TBC1D32: variants seen among roughly 807,000 people sequenced by gnomAD.
TBC1D32 encodes the protein protein broad-minded.
A neutral mutation model predicts 170.3 loss-of-function variants in TBC1D32; 151 were observed. That is an observed-to-expected ratio of 0.89 (90% CI 0.78 to 1.01). The LOEUF is 1.01. Among genes scored for constraint, TBC1D32 ranks in the 50% least tolerant of loss-of-function variants. TBC1D32 has a pLI of 0.00. For synonymous variants in TBC1D32, 498 were observed against 488.0 expected, an observed-to-expected ratio of 1.02 and a Z score of -0.27; for missense variants, 1,464 against 1,457.1, an observed-to-expected ratio of 1.00 and a Z score of -0.08.
intron 20 of TBC1D32, among the ~76,000 whole-genome samples, chr6:121,236,373 T>C (rs1289513694): frequency 6.6e-6 from 1 of 152,164 alleles, no homozygotes; most frequent in East Asian, 1.9e-4. Flanking sequence ...CATAGGGCAA[T>C]TGTCTACCAT....
In TBC1D32 at chr6:121,241,506, A is replaced by C; in HGVS notation, c.2204T>G (p.Val735Gly). ...AATGCCACCTGCTGCTGTTGATGCC[A>C]CTCGTGTAACCAAAACTCCATAGCC... is the stretch of plus-strand genomic sequence containing the variant. The part of the protein sequence containing the change: ...KFGYGVLVTR[V>G]ASTAAGGIAL... The change falls in exon 19 of 32, where the codon GTG becomes GGG. Residue 735 changes from valine (V) to glycine (G), a missense_variant. Around this residue, in one of 3 missense-constraint regions of TBC1D32, gnomAD observed 1,363 missense variants for 1,338.1 expected, o/e 1.02. Coordinates refer to ENST00000398212, the MANE Select transcript of TBC1D32 (RefSeq NM_152730.6). 6.2e-7 allele frequency: 1 copy of C among 1,613,542 alleles called. No homozygotes were observed. The highest frequency in any genetic ancestry group is 8.5e-7 in the Non-Finnish European group (1 of 1,179,742).
intron 12 of TBC1D32, among the ~76,000 whole-genome samples, chr6:121,288,114 C>T (rs1279366159): frequency 6.6e-6 from 1 of 152,042 alleles, no homozygotes; most frequent in African/African-American, 2.4e-5. Flanking sequence ...AGAGCAAACA[C>T]ATTCAAAAGC....
At chr6:121,330,925 A>T (rs1033277723) in intron 1 of TBC1D32, among the ~76,000 whole-genome samples, 1 of 152,210 alleles carries the variant, frequency 6.6e-6, no homozygotes, top group African/African-American at 2.4e-5. Context: ...CCATTCTTAG[A>T]GAAAGGCAGG....
intron 21 of TBC1D32, 55 bp downstream of exon 21, chr6:121,223,181 C>T: frequency 1.7e-6 from 2 of 1,151,594 alleles, no homozygotes; most frequent in Non-Finnish European, 2.4e-6. Context: ...CTTTTTACTA[C>T]CAATCTCAAA....
intron 8 of TBC1D32, 37 bp from the exon 9 acceptor site, chr6:121,303,798 A>G (rs1806857110): frequency 7.1e-7 from 1 of 1,402,746 alleles, no homozygotes; most frequent in East Asian, 2.4e-5. Flanking sequence ...AATTACACAT[A>G]TAGTTCTGGT....
At chr6:121,146,386 T>C (rs1401994888) in intron 24 of TBC1D32, among the ~76,000 whole-genome samples, 1 of 152,206 alleles carries the variant, frequency 6.6e-6, no homozygotes, top group Non-Finnish European at 1.5e-5. Flanking sequence ...AGTTCCTTCA[T>C]GATAATAATA....
chr6:121,147,259 G>T (rs1783579047), intron 24 of TBC1D32, among the ~76,000 whole-genome samples: 1 of 152,074 alleles, frequency 6.6e-6, no homozygotes, highest in Admixed American at 6.5e-5. Flanking sequence ...CTTTGCTATT[G>T]TGAATAGCTG....
intron 4 of TBC1D32, among the ~76,000 whole-genome samples, chr6:121,308,356 A>G (rs1807641823): frequency 6.6e-6 from 1 of 151,918 alleles, no homozygotes; most frequent in Non-Finnish European, 1.5e-5. Flanking sequence ...TTTAGGTATC[A>G]TGTCTAAGAG....
Position 121,143,543 on chromosome 6 carries a change from C to T in TBC1D32, c.2774-11791G>A, listed in dbSNP as rs2202064. Among the ~76,000 whole-genome samples the T allele has an allele frequency of 2.7e-4, 41 of 152,148 alleles. No homozygotes were observed. In the East Asian group the frequency reaches 2.7e-3, roughly 10 times the overall value. ...GAGGATGCCACCATGTGCACACAAC[C>T]GAAGTGATTTTTTTCCCACAACAAT... On this transcript the variant is annotated intron_variant, in intron 24 of 31. Coordinates refer to ENST00000398212, the MANE Select transcript of TBC1D32 (RefSeq NM_152730.6).
chr6:121,305,027 A>G (rs1255384981), intron 5 of TBC1D32, among the ~76,000 whole-genome samples, 194 bp from the exon 6 acceptor site: 5 of 152,122 alleles, frequency 3.3e-5, no homozygotes. Flanking sequence ...CAAAACTAAT[A>G]TGTGAATCTA....
intron 24 of TBC1D32, among the ~76,000 whole-genome samples, chr6:121,157,216 G>T (rs1785018898): frequency 6.6e-6 from 1 of 152,126 alleles, no homozygotes; most frequent in African/African-American, 2.4e-5. Context: ...ACATATGTAG[G>T]ATAGCTAAGT....
At chr6:121,198,157 T>C (rs1227483255) in intron 22 of TBC1D32, among the ~76,000 whole-genome samples, 1 of 145,654 alleles carries the variant, frequency 6.9e-6, no homozygotes, top group Non-Finnish European at 1.5e-5. Flanking sequence ...CCTTTGTAGA[T>C]ATATAATATA....
chr6:121,186,466 C>T (rs1314510577), intron 22 of TBC1D32, among the ~76,000 whole-genome samples: 2 of 151,932 alleles, frequency 1.3e-5, no homozygotes. Flanking sequence ...TAATATATAG[C>T]ATCCTAACCA....
At chr6:121,133,135 T>C (rs780696505) in intron 24 of TBC1D32, among the ~76,000 whole-genome samples, 5 of 151,972 alleles carry the variant, frequency 3.3e-5, no homozygotes, top group African/African-American at 4.8e-5. Context: ...ATCATCTACC[T>C]AAGCTCTATT....
chr6:121,175,998 A>G (rs1480979372), intron 22 of TBC1D32, among the ~76,000 whole-genome samples: 1 of 152,208 alleles, frequency 6.6e-6, no homozygotes, highest in Admixed American at 6.5e-5. Context: ...AGTGCCTACT[A>G]CTGTTTTAAA....
At chr6:121,265,977 A>G (rs1800422749) in intron 15 of TBC1D32, among the ~76,000 whole-genome samples, 1 of 152,174 alleles carries the variant, frequency 6.6e-6, no homozygotes, top group South Asian at 2.1e-4. Context: ...ACCACAGAAG[A>G]AAACCTAGAC....
intron 24 of TBC1D32, among the ~76,000 whole-genome samples, chr6:121,147,927 T>TTTC (rs1256816174): frequency 6.6e-6 from 1 of 151,528 alleles, no homozygotes; most frequent in Non-Finnish European, 1.5e-5. Context: ...TCTTTTTTTT[T>TTTC]TTTTTTGAGA....
intron 12 of TBC1D32, among the ~76,000 whole-genome samples, chr6:121,286,247 T>A (rs1262323617): frequency 6.6e-6 from 1 of 151,810 alleles, no homozygotes. Flanking sequence ...TGAAAAAAAA[T>A]TGGATAAATG....
intron 18 of TBC1D32, 109 bp downstream of exon 18, chr6:121,242,092 T>TTG (rs1387906049): frequency 1.7e-6 from 2 of 1,197,690 alleles, no homozygotes; most frequent in Non-Finnish European, 2.3e-6. Flanking sequence ...TATATGGTCT[T>TTG]TTAACAGAGG....
Sources: allele counts gnomAD v4.1 joint callset (sites outside exome capture counted in the v4.1 genomes callset), GRCh38; gene constraint gnomAD v4.1.1; regional missense constraint gnomAD v4.1.1; transcripts MANE v1.5; gene names NCBI Gene and HGNC (gene_info 2026-07-23, HGNC 2026-07-21).